The following PCDHGA3 variants were observed in gnomAD, a reference collection of about 807,000 sequenced individuals.
PCDHGA3 encodes the protein protocadherin gamma subfamily A, 3.
PCDHGA3 carries 40 observed loss-of-function variants against 58.5 expected under a neutral mutation model. The ratio of observed to expected loss-of-function variants is 0.68; its 90% CI spans 0.53 to 0.89. The LOEUF is 0.89. Ranked by LOEUF, PCDHGA3 falls within the 40% of genes least tolerant of loss-of-function variation. The pLI is 0.00. For synonymous variants in PCDHGA3, 530 were observed against 525.7 expected, an observed-to-expected ratio of 1.01 and a Z score of -0.11; for missense variants, 1,223 against 1,195.9, an observed-to-expected ratio of 1.02 and a Z score of -0.33.
intron 1 of PCDHGA3, among the ~76,000 whole-genome samples, chr5:141,480,274 G>A (rs111260319): frequency 6.6e-6 from 1 of 152,036 alleles, no homozygotes; most frequent in Non-Finnish European, 1.5e-5. Context: ...CATTAGCTGG[G>A]TGTGTTGGCA....
intron 1 of PCDHGA3, among the ~76,000 whole-genome samples, chr5:141,405,721 A>G (rs1295046106): frequency 1.3e-5 from 2 of 151,702 alleles, no homozygotes; most frequent in African/African-American, 4.8e-5. Context: ...CAAGTGATCC[A>G]CCCACCTCAG....
intron 2 of PCDHGA3, among the ~76,000 whole-genome samples, chr5:141,499,612 C>T (rs1489412444): frequency 6.6e-6 from 1 of 151,968 alleles, no homozygotes; most frequent in African/African-American, 2.4e-5. Context: ...TACCCTTATC[C>T]TGTCCTTGGA....
At chr5:141,414,239 C>T in intron 1 of PCDHGA3, 1 of 1,613,498 alleles carries the variant, frequency 6.2e-7, no homozygotes, top group Non-Finnish European at 8.5e-7. Context: ...ACCATCACGT[C>T]TCTATTTAGT....
At chr5:141,506,382 G>T (rs1311307230) in intron 3 of PCDHGA3, among the ~76,000 whole-genome samples, 1 of 151,500 alleles carries the variant, frequency 6.6e-6, no homozygotes, top group East Asian at 1.9e-4. Flanking sequence ...CTGGGAGGTG[G>T]CTGTGGTGAG....
In PCDHGA3 at chr5:141,344,286, G is replaced by A. The variant is rs776109013; in HGVS notation, c.253G>A (p.Val85Ile). ...FSLNPQSGSL[V>I]TAERIDREEL... ...TCTGAATCCGCAAAGCGGCAGCTTG[G>A]TCACCGCGGAGAGGATAGACCGGGA... Residue 85 changes from valine (V) to isoleucine (I), a missense_variant, in exon 1 of 4, where the codon GTC becomes ATC. By Grantham distance (29) the Val-to-Ile change is conservative (BLOSUM62 3). This residue lies in a region of PCDHGA3 where 791 missense variants were observed against 708.5 expected (regional missense o/e 1.12). Transcript: ENST00000253812. 1.2e-6 allele frequency: 2 copies of A among 1,614,098 alleles called. No individual in the cohort carries two copies. Among genetic ancestry groups the A allele is most frequent in the Non-Finnish European group, 1.7e-6 (2 of 1,179,924 alleles).
At chr5:141,407,370 A>G (rs1434825695) in intron 1 of PCDHGA3, among the ~76,000 whole-genome samples, 2 of 152,228 alleles carry the variant, frequency 1.3e-5, no homozygotes, top group Non-Finnish European at 2.9e-5. Flanking sequence ...ACAGATATCC[A>G]TGAAGGCTTG....
At chr5:141,351,751 G>T in intron 1 of PCDHGA3, 2 of 1,613,642 alleles carry the variant, frequency 1.2e-6, no homozygotes, top group Non-Finnish European at 1.7e-6. Context: ...CGCGGGAGCT[G>T]TTGTCCTACG....
intron 1 of PCDHGA3, chr5:141,399,958 G>C: frequency 1.2e-6 from 2 of 1,612,122 alleles, no homozygotes; most frequent in Middle Eastern, 3.8e-4. Context: ...TAGCGAGCCC[G>C]GGCTCTTCAG....
rs370264318 is a variant in PCDHGA3, at chr5:141,403,767, G to C, written c.2424+57310G>C. 1.0e-4 allele frequency: 169 copies of C among 1,613,880 alleles called. No homozygotes were observed. In the East Asian group the frequency reaches 1.6e-3, roughly 16 times the overall value. Reference sequence around the variant, plus strand: ...GCAACAGCCAGCGACCTGGATGAGGGAATCAACGGAAAAGTGGCATACAAA... The same window carrying C: ...GCAACAGCCAGCGACCTGGATGAGGCAATCAACGGAAAAGTGGCATACAAA... On this transcript the variant is annotated intron_variant, in intron 1 of 3. Coordinates refer to ENST00000253812, the MANE Select transcript of PCDHGA3 (RefSeq NM_018916.4).
At chr5:141,408,683 G>C in intron 1 of PCDHGA3, 2 of 1,613,906 alleles carry the variant, frequency 1.2e-6, no homozygotes, top group Non-Finnish European at 1.7e-6. Flanking sequence ...CACGGATCCT[G>C]ATATAAACAT....
rs773303808 is a variant in PCDHGA3, at chr5:141,362,539, T to G, written c.2424+16082T>G. 6 of 1,613,828 alleles carry G rather than the reference T, an allele frequency of 3.7e-6. No homozygotes were observed. The Admixed American group carries it at 1.0e-4, about 27-fold the overall frequency. Reference sequence around the variant, plus strand: ...TGGAGCCGCTGGGGTCCCTTTTGCCTCAGATACTATTTTGAAGGTGAGCTT... The same window carrying G: ...TGGAGCCGCTGGGGTCCCTTTTGCCGCAGATACTATTTTGAAGGTGAGCTT... On this transcript the variant is annotated intron_variant, in intron 1 of 3. Transcript: ENST00000253812.
intron 1 of PCDHGA3, chr5:141,394,998 G>C: frequency 2.5e-6 from 4 of 1,614,010 alleles, no homozygotes; most frequent in Non-Finnish European, 3.4e-6. Context: ...CCAGGATTCC[G>C]GTGGCAGATT....
chr5:141,395,511 T>G, intron 1 of PCDHGA3: 3 of 425,438 alleles, frequency 7.1e-6, no homozygotes, highest in Non-Finnish European at 1.3e-5. Context: ...AAGAAGTAGC[T>G]ACCCGTCCAT....
intron 1 of PCDHGA3, among the ~76,000 whole-genome samples, chr5:141,456,381 G>T (rs1296419395): frequency 6.6e-6 from 1 of 152,110 alleles, no homozygotes; most frequent in Admixed American, 6.6e-5. Context: ...TTACAGCACC[G>T]TTTGGAGTTT....
At chr5:141,376,441 G>C in intron 1 of PCDHGA3, 3 of 1,614,206 alleles carry the variant, frequency 1.9e-6, no homozygotes, top group Non-Finnish European at 2.5e-6. Flanking sequence ...AGAGCTATGA[G>C]AAAAGCGAGC....
intron 1 of PCDHGA3, chr5:141,426,793 A>G: frequency 2.2e-6 from 1 of 456,734 alleles, no homozygotes; most frequent in South Asian, 1.5e-5. Context: ...CAGAGTTACC[A>G]GCTCAGTTCT....
chr5:141,502,900 T>C (rs1433421797), intron 2 of PCDHGA3, among the ~76,000 whole-genome samples: 2 of 147,288 alleles, frequency 1.4e-5, no homozygotes, highest in Non-Finnish European at 3.0e-5. Flanking sequence ...TCTAGCTCTG[T>C]TGCCAGGCTG....
intron 1 of PCDHGA3, among the ~76,000 whole-genome samples, chr5:141,479,977 A>G (rs145953890): frequency 0.015 from 2,300 of 152,320 alleles, 30 homozygotes; most frequent in Non-Finnish European, 0.024. Context: ...AGGTTCTACC[A>G]TTTACCAACT....
intron 1 of PCDHGA3, chr5:141,419,343 A>G: frequency 6.2e-7 from 1 of 1,613,806 alleles, no homozygotes; most frequent in East Asian, 2.2e-5. Flanking sequence ...ATTGCCAGCG[A>G]CCTGGAGTCA....
Sources: gnomAD v4.1 joint callset for allele counts (sites outside exome capture counted in the v4.1 genomes callset) on GRCh38, gnomAD v4.1.1 for gene constraint, gnomAD v4.1.1 regional missense constraint, MANE v1.5 for transcripts, NCBI Gene and HGNC (gene_info 2026-07-23, HGNC 2026-07-21) for gene names.